The following EPSTI1 variants were observed in gnomAD, a reference collection of about 807,000 sequenced individuals.
EPSTI1 encodes epithelial stromal interaction 1.
In EPSTI1, 66 loss-of-function variants were observed where a neutral mutation model predicts 49.9. The ratio of observed to expected loss-of-function variants is 1.32; its 90% CI spans 1.08 to 1.62. EPSTI1 has a LOEUF of 1.62. Ranked by LOEUF, EPSTI1 falls within the 40% of genes most tolerant of loss-of-function variation. The probability of loss-of-function intolerance (pLI) is 0.00; values close to 1 mark genes in which losing one functional copy is unlikely to be tolerated. For missense variants in EPSTI1, 394 were observed against 365.5 expected (o/e 1.08, Z -0.64); for synonymous variants, 137 against 130.7 (o/e 1.05, Z -0.33).
intron 10 of EPSTI1, among the ~76,000 whole-genome samples, chr13:42,892,079 T>C (rs146699993): frequency 6.6e-6 from 1 of 152,070 alleles, no homozygotes; most frequent in East Asian, 1.9e-4. Context: ...TGGAGAATAG[T>C]GTAGACAGAG....
intron 1 of EPSTI1, among the ~76,000 whole-genome samples, chr13:42,988,730 CA>C (rs66847581): frequency 0.39 from 41,059 of 105,536 alleles, 5,464 homozygotes; most frequent in Middle Eastern, 0.56. Flanking sequence ...GACTCTGTCT[CA>C]AAAAAAAAAA....
At chr13:42,917,773 T>A (rs980719237) in intron 7 of EPSTI1, 149 bp from the exon 8 acceptor site, 9 of 553,026 alleles carry the variant, frequency 1.6e-5, no homozygotes, top group Non-Finnish European at 2.9e-5. Context: ...ACACACTTGG[T>A]TATTAAGTGA....
intron 1 of EPSTI1, among the ~76,000 whole-genome samples, chr13:42,979,568 G>C (rs1464991707): frequency 1.5e-5 from 2 of 137,194 alleles, no homozygotes; most frequent in South Asian, 2.3e-4. Context: ...CTGGGCGACA[G>C]AGGGAGACTC....
chr13:42,963,109 A>G (rs998410997), intron 5 of EPSTI1, 146 bp downstream of exon 5: 11 of 715,634 alleles, frequency 1.5e-5, no homozygotes, highest in Non-Finnish European at 2.4e-5. Context: ...AAGGAAAAAA[A>G]CTGGATGAGG....
intron 3 of EPSTI1, among the ~76,000 whole-genome samples, chr13:42,967,992 C>T (rs2039666435): frequency 6.6e-6 from 1 of 152,104 alleles, no homozygotes; most frequent in African/African-American, 2.4e-5. Context: ...TTGATCAGTA[C>T]CTAAGACTGA....
At chr13:42,923,480 G>A (rs1052706436) in intron 7 of EPSTI1, among the ~76,000 whole-genome samples, 12 of 152,172 alleles carry the variant, frequency 7.9e-5, no homozygotes, top group African/African-American at 2.9e-4. Flanking sequence ...AGGATGGCTT[G>A]AACCTGGGAG....
chr13:42,963,137 TAGAA>T, intron 5 of EPSTI1, 114 bp downstream of exon 5: 2 of 801,154 alleles, frequency 2.5e-6, no homozygotes, highest in South Asian at 1.6e-5. Flanking sequence ...GAGTGGGGAA[TAGAA>T]AGAGAGAGAG....
intron 10 of EPSTI1, among the ~76,000 whole-genome samples, chr13:42,890,304 T>TC (rs1566090865): frequency 6.7e-6 from 1 of 148,284 alleles, no homozygotes; most frequent in Non-Finnish European, 1.5e-5. Flanking sequence ...TTCTTTTTTT[T>TC]TTTTTTTTTT....
In EPSTI1 at chr13:42,893,051, C is replaced by A. The variant is rs945677592; in HGVS notation, c.915+1958G>T. On this transcript the variant is annotated intron_variant, in intron 10 of 10. Coordinates refer to ENST00000313624, the MANE Select transcript of EPSTI1 (RefSeq NM_033255.5). Reference sequence around the variant, plus strand: ...TTTGCAATGTGAACATTTTTAGTGACCATGAAAAGAACATTCTTTTTGATG... The same window carrying A: ...TTTGCAATGTGAACATTTTTAGTGAACATGAAAAGAACATTCTTTTTGATG... 4.6e-5 allele frequency among the ~76,000 whole-genome samples: 7 copies of A among 152,090 alleles called. No individual in the cohort carries two copies. In the East Asian group the frequency reaches 1.3e-3, roughly 29 times the overall value.
chr13:42,918,895 C>A lies in EPSTI1; in HGVS notation c.658-1271G>T, dbSNP rs543506849. ...TCTTTTTATATTAGAGAAGGCTAGCCTTTATCACAAATATTCCATATAAGA... is the reference window on the plus strand; with the variant it reads ...TCTTTTTATATTAGAGAAGGCTAGCATTTATCACAAATATTCCATATAAGA... On this transcript the variant is annotated intron_variant, in intron 7 of 10. Coordinates refer to ENST00000313624, the MANE Select transcript of EPSTI1 (RefSeq NM_033255.5). Among the ~76,000 whole-genome samples the A allele has an allele frequency of 3.2e-4, 48 of 152,000 alleles. 1 individual carries two copies. Among genetic ancestry groups the A allele is most frequent in the African/African-American group, 1.1e-3 (47 of 41,440 alleles).
chr13:42,948,349 C>T (rs1168746013), intron 6 of EPSTI1, among the ~76,000 whole-genome samples: 1 of 151,244 alleles, frequency 6.6e-6, no homozygotes, highest in Non-Finnish European at 1.5e-5. Context: ...CCCAGCTTTC[C>T]TGGGAGGGCC....
chr13:42,960,976 G>A (rs1467034918), intron 5 of EPSTI1, among the ~76,000 whole-genome samples: 1 of 152,200 alleles, frequency 6.6e-6, no homozygotes, highest in Non-Finnish European at 1.5e-5. Flanking sequence ...CCTTACCCAT[G>A]TAAGGAAACA....
At chr13:42,942,381 T>G (rs1594693821) in intron 6 of EPSTI1, among the ~76,000 whole-genome samples, 1 of 152,162 alleles carries the variant, frequency 6.6e-6, no homozygotes, top group African/African-American at 2.4e-5. Flanking sequence ...TTCTGCCTTT[T>G]ATTGTAAAGG....
intron 8 of EPSTI1, 51 bp downstream of exon 8, chr13:42,917,486 TTATC>T (rs1316998155): frequency 5.7e-6 from 8 of 1,411,840 alleles, no homozygotes; most frequent in Non-Finnish European, 7.9e-6. Context: ...TTCTTCAAAA[TTATC>T]TAGTACCTCA....
chr13:42,954,436 T>C (rs1382678769), intron 5 of EPSTI1, among the ~76,000 whole-genome samples: 1 of 152,244 alleles, frequency 6.6e-6, no homozygotes, highest in African/African-American at 2.4e-5. Context: ...ACTCAAATTC[T>C]ACTAAAGTAT....
chr13:42,942,813 C>T (rs1180004426), intron 6 of EPSTI1, among the ~76,000 whole-genome samples: 3 of 151,440 alleles, frequency 2.0e-5, no homozygotes, highest in African/African-American at 7.3e-5. Flanking sequence ...CTCAGCCTCC[C>T]GAGTAGCTGG....
At chr13:42,974,396 G>A (rs1315463823) in intron 1 of EPSTI1, among the ~76,000 whole-genome samples, 1 of 152,120 alleles carries the variant, frequency 6.6e-6, no homozygotes, top group African/African-American at 2.4e-5. Context: ...GGTGGCTCAC[G>A]CCTGTAATCC....
intron 7 of EPSTI1, 29 bp from the exon 8 acceptor site, chr13:42,917,653 A>AAAC: frequency 1.4e-6 from 2 of 1,447,102 alleles, no homozygotes; most frequent in Non-Finnish European, 1.9e-6. Flanking sequence ...AAAAAAAAAA[A>AAAC]AAAAAACAAC....
chr13:42,928,422 C>T (rs1346293852), intron 6 of EPSTI1, among the ~76,000 whole-genome samples: 1 of 152,096 alleles, frequency 6.6e-6, no homozygotes, highest in Non-Finnish European at 1.5e-5. Flanking sequence ...GGACTAAGAA[C>T]CCTGGACTCT....
Sources: gnomAD v4.1 joint callset for allele counts (sites outside exome capture counted in the v4.1 genomes callset) on GRCh38, gnomAD v4.1.1 for gene constraint, MANE v1.5 for transcripts, NCBI Gene and HGNC (gene_info 2026-07-23, HGNC 2026-07-21) for gene names.